Variants in CNTLN observed in about 807,000 individuals in gnomAD.
CNTLN encodes centlein, centrosomal protein.
Under a neutral mutation model 180.0 loss-of-function variants are expected in CNTLN, and 212 were observed. That is an observed-to-expected ratio of 1.18 (90% CI 1.05 to 1.32). CNTLN has a LOEUF of 1.32. Ranked by LOEUF, CNTLN falls within the 40% of genes most tolerant of loss-of-function variation. The pLI is 0.00. For synonymous variants in CNTLN, 722 were observed against 563.1 expected (o/e 1.28, Z -3.99); for missense variants, 2,095 against 1,610.9 (o/e 1.30, Z -5.14).
the CNTLN span, among the ~76,000 whole-genome samples, chr9:17,528,612 A>G: frequency 3.8e-3 from 583 of 152,378 alleles, 6 homozygotes; most frequent in African/African-American, 0.013. Context: ...TGAATAAACT[A>G]TGGATGTTGG....
intron 23 of CNTLN, among the ~76,000 whole-genome samples, chr9:17,474,867 C>CA (rs1277854068): frequency 0.039 from 4,476 of 115,242 alleles, 103 homozygotes; most frequent in African/African-American, 0.082. Context: ...GACTCCACCT[C>CA]AAAAAAAAAA....
chr9:17,352,089 C>A (rs75181760), intron 12 of CNTLN, among the ~76,000 whole-genome samples: 1 of 151,980 alleles, frequency 6.6e-6, no homozygotes, highest in East Asian at 1.9e-4. Context: ...TTTTTTATTT[C>A]ATAGAAGTAG....
At chr9:17,512,214 G>A in the CNTLN span, among the ~76,000 whole-genome samples, 1 of 152,222 alleles carries the variant, frequency 6.6e-6, no homozygotes, top group African/African-American at 2.4e-5. Flanking sequence ...GAAGCAGGCA[G>A]TGTAAAGCAT....
intron 22 of CNTLN, 102 bp downstream of exon 22, chr9:17,466,220 T>G (rs1175087217): frequency 2.1e-6 from 2 of 964,642 alleles, no homozygotes; most frequent in Non-Finnish European, 3.2e-6. Flanking sequence ...CACAAGCTAC[T>G]TAAACACTTC....
intron 18 of CNTLN, among the ~76,000 whole-genome samples, chr9:17,422,003 A>G (rs1253436907): frequency 6.6e-6 from 1 of 151,904 alleles, no homozygotes; most frequent in East Asian, 1.9e-4. Context: ...CCCTTAGATG[A>G]TTTCTTACTG....
intron 12 of CNTLN, among the ~76,000 whole-genome samples, chr9:17,363,724 TA>T (rs1188495608): frequency 6.6e-6 from 1 of 152,146 alleles, no homozygotes; most frequent in African/African-American, 2.4e-5. Context: ...AGTTCTACCT[TA>T]TTTTAGCTCA....
At chr9:17,329,412 G>T (rs1272564180) in intron 8 of CNTLN, among the ~76,000 whole-genome samples, 2 of 152,006 alleles carry the variant, frequency 1.3e-5, no homozygotes, top group African/African-American at 2.4e-5. Flanking sequence ...CTTCCTGGAA[G>T]AGAAATGCTT....
intron 15 of CNTLN, 25 bp downstream of exon 15, chr9:17,395,094 T>G (rs1826415961): frequency 1.3e-6 from 2 of 1,581,474 alleles, no homozygotes; most frequent in Non-Finnish European, 1.7e-6. Flanking sequence ...AACTTAGCTC[T>G]GTGGTGGGGA....
At chr9:17,169,094 C>T (rs7856183) in intron 2 of CNTLN, among the ~76,000 whole-genome samples, 2,894 of 152,226 alleles carry the variant, frequency 0.019, 57 homozygotes, top group African/African-American at 0.05. Context: ...AATCTCTGGG[C>T]TCAACTGATT....
intron 18 of CNTLN, among the ~76,000 whole-genome samples, chr9:17,452,857 G>T: frequency 6.6e-6 from 1 of 152,108 alleles, no homozygotes; most frequent in Non-Finnish European, 1.5e-5. Flanking sequence ...CTATTCATGG[G>T]ATCCTACAGT....
At chr9:17,346,048 T>C (rs1489922694) in intron 12 of CNTLN, among the ~76,000 whole-genome samples, 2 of 152,186 alleles carry the variant, frequency 1.3e-5, no homozygotes, top group African/African-American at 4.8e-5. Context: ...TACACAAAAC[T>C]GGATAATTTA....
intron 25 of CNTLN, among the ~76,000 whole-genome samples, chr9:17,492,275 T>C (rs919440246): frequency 1.3e-5 from 2 of 152,048 alleles, no homozygotes; most frequent in Admixed American, 1.3e-4. Flanking sequence ...TTTTCTTTCT[T>C]TCTTTCTTTC....
chr9:17,487,187 A>C (rs1434569855), intron 25 of CNTLN, 121 bp downstream of exon 25: 4 of 709,450 alleles, frequency 5.6e-6, no homozygotes, highest in Non-Finnish European at 1.0e-5. Context: ...TTAGGTAAAG[A>C]AGTATTCCAA....
chr9:17,420,662 T>G (rs1276150120), intron 18 of CNTLN, among the ~76,000 whole-genome samples: 2 of 152,136 alleles, frequency 1.3e-5, no homozygotes, highest in Non-Finnish European at 2.9e-5. Context: ...TTATCTGAAA[T>G]TTTTCTTCTT....
chr9:17,242,981 G>A (rs1040410828), intron 5 of CNTLN, among the ~76,000 whole-genome samples: 2 of 152,048 alleles, frequency 1.3e-5, no homozygotes, highest in Non-Finnish European at 2.9e-5. Flanking sequence ...TGTCTTTTCT[G>A]GTAGACTTTA....
intron 5 of CNTLN, among the ~76,000 whole-genome samples, chr9:17,256,561 CTT>C (rs573897019): frequency 2.8e-5 from 4 of 143,884 alleles, no homozygotes; most frequent in East Asian, 2.0e-4. Flanking sequence ...TATGTCTTCT[CTT>C]TTTTTTTTTA....
At chr9:17,242,372 C>T (rs1825548007) in intron 5 of CNTLN, among the ~76,000 whole-genome samples, 7 of 151,934 alleles carry the variant, frequency 4.6e-5, no homozygotes, top group Admixed American at 4.6e-4. Flanking sequence ...TGCAGTGGCA[C>T]GATCTTGGCT....
At chr9:17,275,604 A>G (rs1016062545) in intron 6 of CNTLN, among the ~76,000 whole-genome samples, 2 of 152,170 alleles carry the variant, frequency 1.3e-5, no homozygotes, top group Non-Finnish European at 2.9e-5. Flanking sequence ...GTGCTAGGCT[A>G]TTAGAACAAA....
In CNTLN at chr9:17,466,616, A is replaced by G. The variant is rs972798804; in HGVS notation, c.3670-90A>G. ...ATAATAAATACATAGAGAGAATAATAAAATATTTTCCTTATTTGACATGTA... is the reference window on the plus strand; with the variant it reads ...ATAATAAATACATAGAGAGAATAATGAAATATTTTCCTTATTTGACATGTA... On this transcript the variant is annotated intron_variant, in intron 22 of 25. Coordinates refer to ENST00000380647, the MANE Select transcript of CNTLN (RefSeq NM_017738.4). 55 of 1,003,810 alleles carry G rather than the reference A, an allele frequency of 5.5e-5. No homozygotes were observed. The African/African-American group carries it at 7.6e-4, about 14-fold the overall frequency. 62.2% of individuals were successfully genotyped at this position (1,003,810 alleles called of 1,614,324 possible).
Sources: allele counts gnomAD v4.1 joint callset (sites outside exome capture counted in the v4.1 genomes callset), GRCh38; gene constraint gnomAD v4.1.1; transcripts MANE v1.5; gene names NCBI Gene and HGNC (gene_info 2026-07-23, HGNC 2026-07-21).